The following PLCB1 variants were observed in gnomAD, a reference collection of about 807,000 sequenced individuals.
The protein encoded by PLCB1 is phospholipase C beta 1.
A neutral mutation model predicts 161.8 loss-of-function variants in PLCB1; 46 were observed. The ratio of observed to expected loss-of-function variants is 0.28; its 90% CI spans 0.22 to 0.36. The LOEUF (loss-of-function observed/expected upper bound fraction) is 0.36, where lower values mean the gene tolerates loss of function less well. Ranked by LOEUF, PLCB1 falls within the 10% of genes least tolerant of loss-of-function variation. The pLI is 1.00. For synonymous variants in PLCB1, 517 were observed against 503.7 expected, an observed-to-expected ratio of 1.03 and a Z score of -0.35; for missense variants, 1,016 against 1,472.5, an observed-to-expected ratio of 0.69 and a Z score of 5.07.
At chr20:8,845,473 A>G (rs147218443) in intron 31 of PLCB1, among the ~76,000 whole-genome samples, 1,910 of 152,316 alleles carry the variant, frequency 0.013, 26 homozygotes, top group Middle Eastern at 0.034. Context: ...TAAATTAATT[A>G]AAGAAAAATA....
Position 8,475,249 on chromosome 20 carries a change from T to C in PLCB1, c.246+103799T>C, listed in dbSNP as rs138629460. On this transcript the variant is annotated intron_variant, in intron 3 of 31. Coordinates refer to ENST00000338037, the MANE Select transcript of PLCB1 (RefSeq NM_015192.4). The stretch of plus-strand genomic sequence containing the variant: ...TTTGTTCAAAAGCCATTTTGGGTGG[T>C]GGAGGCTTACTCTGTGCTACTGAAG... Among the ~76,000 whole-genome samples the C allele has an allele frequency of 9.6e-3, 1,457 of 152,212 alleles. 25 individuals are homozygous for C. Among genetic ancestry groups the C allele is most frequent in the African/African-American group, 0.033 (1,352 of 41,514 alleles).
chr20:8,356,544 A>C (rs1986368346), intron 2 of PLCB1, among the ~76,000 whole-genome samples: 3 of 152,172 alleles, frequency 2.0e-5, no homozygotes, highest in African/African-American at 7.2e-5. Context: ...AGGTTGGACT[A>C]CTTGATGTGT....
intron 3 of PLCB1, among the ~76,000 whole-genome samples, chr20:8,535,619 C>T (rs559491438): frequency 6.6e-6 from 1 of 152,134 alleles, no homozygotes; most frequent in African/African-American, 2.4e-5. Flanking sequence ...GACAGCGCCC[C>T]TACAACAGAG....
At position 8,257,286 on chromosome 20, in the gene PLCB1, G is replaced by A. The variant is rs534609692; in HGVS notation, c.177+106915G>A. 5.3e-5 allele frequency among the ~76,000 whole-genome samples: 8 copies of A among 152,090 alleles called. No homozygotes were observed. In the South Asian group the frequency reaches 1.0e-3, roughly 20 times the overall value. ...GTCTAGAAAAATCAGGTACTAGAGT[G>A]ATTTTTACACAACTGTTTCTTATTG... is the stretch of plus-strand genomic sequence containing the variant. On this transcript the variant is annotated intron_variant, in intron 2 of 31. Transcript: ENST00000338037.
rs577544514 is a variant in PLCB1 at position 8,817,925 on chromosome 20, G to A, written c.3423+27664G>A. Among the ~76,000 whole-genome samples, 8 of 152,238 alleles carry A rather than the reference G, an allele frequency of 5.3e-5. No homozygotes were observed. The East Asian group carries it at 1.4e-3, about 26-fold the overall frequency. On this transcript the variant is annotated intron_variant, in intron 31 of 31. Coordinates refer to ENST00000338037, the MANE Select transcript of PLCB1 (RefSeq NM_015192.4). Reference sequence around the variant, plus strand: ...ACAAACAAATTGATTCTCTATAAGTGAAAAATATATTTAAAATGCAATGCA... The same window carrying A: ...ACAAACAAATTGATTCTCTATAAGTAAAAAATATATTTAAAATGCAATGCA...
intron 4 of PLCB1, among the ~76,000 whole-genome samples, chr20:8,629,392 T>C (rs1055716036): frequency 6.6e-6 from 1 of 152,150 alleles, no homozygotes; most frequent in Non-Finnish European, 1.5e-5. Flanking sequence ...AGAAAACAGG[T>C]ATAATGTAGC....
chr20:8,361,134 C>T (rs1041207538), intron 2 of PLCB1, among the ~76,000 whole-genome samples: 116 of 152,254 alleles, frequency 7.6e-4, no homozygotes, highest in Non-Finnish European at 1.6e-4. Flanking sequence ...GGAAATCAGC[C>T]GAGCATTTTT....
chr20:8,499,672 T>C (rs1170414478), intron 3 of PLCB1, among the ~76,000 whole-genome samples: 1 of 152,218 alleles, frequency 6.6e-6, no homozygotes. Context: ...AAGGATATAC[T>C]CAACTCTGAC....
chr20:8,684,032 C>T (rs565412639), intron 9 of PLCB1, among the ~76,000 whole-genome samples: 14 of 149,924 alleles, frequency 9.3e-5, no homozygotes, highest in South Asian at 2.1e-4. Context: ...TGCAGGCACC[C>T]GCCACCACAC....
At chr20:8,234,739 T>G (rs1489463665) in intron 2 of PLCB1, among the ~76,000 whole-genome samples, 2 of 152,070 alleles carry the variant, frequency 1.3e-5, no homozygotes, top group Non-Finnish European at 2.9e-5. Flanking sequence ...ATAAATTGTT[T>G]TAGAGTAGAA....
intron 31 of PLCB1, among the ~76,000 whole-genome samples, chr20:8,849,286 A>G (rs1286661900): frequency 6.6e-6 from 1 of 152,198 alleles, no homozygotes; most frequent in Non-Finnish European, 1.5e-5. Flanking sequence ...CACAATATCT[A>G]TGATGTCAGC....
At position 8,558,786 on chromosome 20, in the gene PLCB1, AAAT is replaced by A. The variant is rs371969733; in HGVS notation, c.247-69507_247-69505del. On this transcript the variant is annotated intron_variant, in intron 3 of 31. Coordinates refer to ENST00000338037, the MANE Select transcript of PLCB1 (RefSeq NM_015192.4). Reference sequence around the variant, plus strand: ...GGCAAGATAGCAATTGGTATATTTAAAATGCCAAAACAGGAGGAAAAAACAACC... The same window carrying A: ...GGCAAGATAGCAATTGGTATATTTAAGCCAAAACAGGAGGAAAAAACAACC... 4.1e-4 allele frequency among the ~76,000 whole-genome samples: 63 copies of A among 152,102 alleles called. No homozygotes were observed. The East Asian group carries it at 0.011, about 28-fold the overall frequency.
At chr20:8,340,022 G>T (rs929494671) in intron 2 of PLCB1, among the ~76,000 whole-genome samples, 84 of 152,146 alleles carry the variant, frequency 5.5e-4, no homozygotes, top group African/African-American at 1.9e-3. Flanking sequence ...CCTATAAAGG[G>T]CTCAGCACAT....
intron 3 of PLCB1, among the ~76,000 whole-genome samples, chr20:8,539,462 G>A (rs1307215943): frequency 6.6e-6 from 1 of 152,126 alleles, no homozygotes; most frequent in Non-Finnish European, 1.5e-5. Context: ...GTGTAATCAT[G>A]ATTCTGGGAA....
intron 3 of PLCB1, among the ~76,000 whole-genome samples, chr20:8,514,398 C>T (rs13433330): frequency 0.21 from 31,335 of 149,394 alleles, 3,497 homozygotes; most frequent in African/African-American, 0.26. Flanking sequence ...TGAGATTAGG[C>T]CACTACACTC....
chr20:8,253,835 A>G (rs1344088199), intron 2 of PLCB1, among the ~76,000 whole-genome samples: 4 of 151,824 alleles, frequency 2.6e-5, no homozygotes, highest in Admixed American at 1.3e-4. Context: ...CCAGTATCCA[A>G]TATTTAGTTC....
At chr20:8,499,121 A>G (rs1983299246) in intron 3 of PLCB1, among the ~76,000 whole-genome samples, 1 of 152,204 alleles carries the variant, frequency 6.6e-6, no homozygotes, top group Non-Finnish European at 1.5e-5. Flanking sequence ...GCCAAGATGT[A>G]TGTTTGTTAA....
intron 3 of PLCB1, among the ~76,000 whole-genome samples, chr20:8,567,497 T>C (rs1472488740): frequency 1.3e-5 from 2 of 152,150 alleles, no homozygotes; most frequent in African/African-American, 4.8e-5. Context: ...AAGATCTTGA[T>C]GGAAAATCTC....
At chr20:8,788,097 C>G (rs1373554264) in intron 27 of PLCB1, among the ~76,000 whole-genome samples, 1 of 152,194 alleles carries the variant, frequency 6.6e-6, no homozygotes, top group Non-Finnish European at 1.5e-5. Flanking sequence ...AATGTAGGGT[C>G]TTGCCCCAAA....
Sources: allele counts gnomAD v4.1 joint callset (sites outside exome capture counted in the v4.1 genomes callset), GRCh38; gene constraint gnomAD v4.1.1; transcripts MANE v1.5; gene names NCBI Gene and HGNC (gene_info 2026-07-23, HGNC 2026-07-21).